Variants in AKAP13 observed in about 807,000 individuals in gnomAD.
The protein encoded by AKAP13 is A-kinase anchoring protein 13.
In AKAP13, 80 loss-of-function variants were observed where a neutral mutation model predicts 264.5. The ratio of observed to expected loss-of-function variants is 0.30; its 90% CI spans 0.25 to 0.36. The LOEUF is 0.36. Ranked by LOEUF, AKAP13 falls within the 10% of genes least tolerant of loss-of-function variation. The pLI is 1.00. For synonymous variants in AKAP13, 1,380 were observed against 1,250.2 expected, an observed-to-expected ratio of 1.10 and a Z score of -2.19; for missense variants, 3,712 against 3,435.2, an observed-to-expected ratio of 1.08 and a Z score of -2.01.
At chr15:85,703,666 A>G (rs1446867279) in intron 17 of AKAP13, among the ~76,000 whole-genome samples, 1 of 152,114 alleles carries the variant, frequency 6.6e-6, no homozygotes, top group Non-Finnish European at 1.5e-5. Context: ...ACATGGCGAA[A>G]TACCATCTCC....
chr15:85,421,654 T>G (rs769944885), intron 1 of AKAP13, among the ~76,000 whole-genome samples: 4 of 152,254 alleles, frequency 2.6e-5, no homozygotes, highest in Non-Finnish European at 5.9e-5. Flanking sequence ...TAATATTCAC[T>G]CTTGTCCAGA....
At chr15:85,575,928 G>T (rs2078995910) in intron 6 of AKAP13, among the ~76,000 whole-genome samples, 1 of 152,224 alleles carries the variant, frequency 6.6e-6, no homozygotes. Flanking sequence ...AGAGGTTGCA[G>T]TGAGCTGAGA....
chr15:85,599,204 G>A (rs1172042144), intron 8 of AKAP13, among the ~76,000 whole-genome samples: 1 of 152,152 alleles, frequency 6.6e-6, no homozygotes, highest in African/African-American at 2.4e-5. Flanking sequence ...TTTAAATCCT[G>A]GCTTTCCTGA....
chr15:85,656,630 A>G (rs1370992250), intron 11 of AKAP13, among the ~76,000 whole-genome samples: 1 of 152,012 alleles, frequency 6.6e-6, no homozygotes, highest in African/African-American at 2.4e-5. Flanking sequence ...TTGTATTTTT[A>G]GTAGAGACAG....
At chr15:85,553,842 A>C (rs979563140) in intron 5 of AKAP13, among the ~76,000 whole-genome samples, 3 of 152,144 alleles carry the variant, frequency 2.0e-5, no homozygotes, top group Non-Finnish European at 4.4e-5. Flanking sequence ...TAGGAGTGGA[A>C]ACCGTATCGT....
At chr15:85,677,927 C>T (rs1319223404) in intron 14 of AKAP13, among the ~76,000 whole-genome samples, 1 of 152,122 alleles carries the variant, frequency 6.6e-6, no homozygotes, top group Non-Finnish European at 1.5e-5. Flanking sequence ...GGATTACAGG[C>T]ATGAGCCACA....
intron 14 of AKAP13, among the ~76,000 whole-genome samples, chr15:85,673,656 T>G (rs1038886400): frequency 7.3e-6 from 1 of 137,334 alleles, no homozygotes; most frequent in Non-Finnish European, 1.5e-5. Flanking sequence ...GATGATCCCT[T>G]TCTTTCTTTC....
chr15:85,386,474 G>C (rs1019119197), intron 1 of AKAP13, among the ~76,000 whole-genome samples: 2 of 151,788 alleles, frequency 1.3e-5, no homozygotes, highest in Admixed American at 6.6e-5. Context: ...ATTTTTACTA[G>C]TGATGGGGTT....
At position 85,460,929 on chromosome 15, in the gene AKAP13, C is replaced by T. The variant is rs567834538; in HGVS notation, c.-11-24781C>T. Reference sequence around the variant, plus strand: ...GTGAGATCGATCTCAGATTTCTAACCTACAGAATGGGGGAACAGAGTTTTT... The same window carrying T: ...GTGAGATCGATCTCAGATTTCTAACTTACAGAATGGGGGAACAGAGTTTTT... On this transcript the variant is annotated intron_variant, in intron 1 of 36. Coordinates refer to ENST00000394518, the MANE Select transcript of AKAP13 (RefSeq NM_007200.5). Among the ~76,000 whole-genome samples the T allele has an allele frequency of 2.0e-5, 3 of 148,954 alleles. No individual in the cohort carries two copies. The South Asian group carries it at 6.3e-4, about 31-fold the overall frequency.
intron 1 of AKAP13, among the ~76,000 whole-genome samples, chr15:85,479,870 A>T (rs552156665): frequency 2.3e-4 from 35 of 152,270 alleles, no homozygotes; most frequent in Admixed American, 1.7e-3. Flanking sequence ...GTTAATGTAC[A>T]TCTGGATACA....
intron 2 of AKAP13, among the ~76,000 whole-genome samples, chr15:85,489,681 G>A (rs2075670504): frequency 1.3e-5 from 2 of 152,194 alleles, no homozygotes; most frequent in Admixed American, 1.3e-4. Context: ...ACTGTACCCG[G>A]AGAAGAACTT....
At chr15:85,608,074 G>A (rs1353290672) in intron 8 of AKAP13, among the ~76,000 whole-genome samples, 1 of 152,208 alleles carries the variant, frequency 6.6e-6, no homozygotes, top group Non-Finnish European at 1.5e-5. Flanking sequence ...GATGAGGGAA[G>A]TCTTCCATGG....
chr15:85,560,098 G>A (rs1179536317), intron 5 of AKAP13, among the ~76,000 whole-genome samples: 1 of 118,758 alleles, frequency 8.4e-6, no homozygotes, highest in Non-Finnish European at 1.6e-5. Flanking sequence ...TTCGTTTCAA[G>A]GAGCTCCTGT....
intron 7 of AKAP13, among the ~76,000 whole-genome samples, chr15:85,583,735 A>G (rs1487839047): frequency 6.6e-6 from 1 of 152,250 alleles, no homozygotes; most frequent in East Asian, 1.9e-4. Context: ...GTAGTATCCT[A>G]TGAGAAAAAG....
At position 85,573,004 on chromosome 15, in the gene AKAP13, C is replaced by CT. The variant is rs1227867850; in HGVS notation, c.663-2121dup. Among the ~76,000 whole-genome samples, 8 of 152,260 alleles carry CT rather than the reference C, an allele frequency of 5.3e-5. No individual in the cohort carries two copies. In the East Asian group the frequency reaches 7.7e-4, roughly 15 times the overall value. On this transcript the variant is annotated intron_variant, in intron 5 of 36. Coordinates refer to ENST00000394518, the MANE Select transcript of AKAP13 (RefSeq NM_007200.5). ...TCTCTACAAAGGACATGAACTCATC[C>CT]TTTTTTATGGCTGCTACTGTAGCAT...
chr15:85,745,286 CGT>C lies in AKAP13; in HGVS notation c.*612_*613del, dbSNP rs1051167682. On this transcript the variant is annotated 3_prime_UTR_variant, in exon 37 of 37. Coordinates refer to ENST00000394518, the MANE Select transcript of AKAP13 (RefSeq NM_007200.5). ...AAACCCATCCCGGGCACATACCACCCGTGTTTTGCATGTATTTCTCATTTCAT... is the reference window on the plus strand; with the variant it reads ...AAACCCATCCCGGGCACATACCACCCGTTTTGCATGTATTTCTCATTTCAT... The C allele has an allele frequency of 1.3e-5, 2 of 152,186 alleles. No homozygotes were observed. The highest frequency in any genetic ancestry group is 1.9e-4 in the East Asian group (1 of 5,188). 9.4% of individuals were successfully genotyped at this position (152,186 alleles called of 1,614,324 possible).
intron 5 of AKAP13, among the ~76,000 whole-genome samples, chr15:85,554,796 T>G (rs1421862980): frequency 1.3e-5 from 2 of 152,102 alleles, no homozygotes; most frequent in African/African-American, 2.4e-5. Context: ...GCAGAGAAAT[T>G]TAAGTAGTCC....
At chr15:85,647,101 A>T (rs1374685157) in intron 10 of AKAP13, among the ~76,000 whole-genome samples, 1 of 152,210 alleles carries the variant, frequency 6.6e-6, no homozygotes, top group East Asian at 1.9e-4. Context: ...GATGCTGTGT[A>T]GAAGTTACAA....
At chr15:85,584,134 T>C (rs2079237965) in intron 7 of AKAP13, among the ~76,000 whole-genome samples, 1 of 152,194 alleles carries the variant, frequency 6.6e-6, no homozygotes, top group Non-Finnish European at 1.5e-5. Context: ...AAGTTTACAT[T>C]CTACTCATAG....
Sources: gnomAD v4.1 joint callset for allele counts (sites outside exome capture counted in the v4.1 genomes callset) on GRCh38, gnomAD v4.1.1 for gene constraint, MANE v1.5 for transcripts, NCBI Gene and HGNC (gene_info 2026-07-23, HGNC 2026-07-21) for gene names.